Variants in PNPLA7 observed in about 807,000 individuals in gnomAD.
PNPLA7 encodes patatin like domain 7, lysophospholipase.
PNPLA7 carries 153 observed loss-of-function variants against 161.7 expected under a neutral mutation model. The observed-to-expected ratio is 0.95, with a 90% confidence interval of 0.83 to 1.08. The LOEUF is 1.08. Among genes scored for constraint, PNPLA7 ranks in the 50% least tolerant of loss-of-function variants. PNPLA7 has a pLI of 0.00. For missense variants in PNPLA7, 1,739 were observed against 1,856.6 expected (o/e 0.94, Z 1.16); for synonymous variants, 809 against 782.1 (o/e 1.03, Z -0.57).
intron 12 of PNPLA7, among the ~76,000 whole-genome samples, chr9:137,513,681 G>A (rs1386690244): frequency 6.6e-6 from 1 of 152,004 alleles, no homozygotes; most frequent in Admixed American, 6.5e-5. Context: ...TGGACAAGAG[G>A]GAAGAGAATC....
At chr9:137,548,218 G>T (rs1836647327) in intron 1 of PNPLA7, among the ~76,000 whole-genome samples, 1 of 152,200 alleles carries the variant, frequency 6.6e-6, no homozygotes. Context: ...GACAGCAGAG[G>T]ACGCTGGTGG....
In PNPLA7 at chr9:137,547,410, G is replaced by A; in HGVS notation, c.106-14C>T. 6.2e-7 allele frequency: 1 copy of A among 1,613,012 alleles called. No homozygotes were observed. The highest frequency in any genetic ancestry group is 8.5e-7 in the Non-Finnish European group (1 of 1,179,738). On this transcript the variant is annotated splice_polypyrimidine_tract_variant and intron_variant, in intron 2 of 34. Coordinates refer to ENST00000406427, the MANE Select transcript of PNPLA7 (RefSeq NM_001098537.3). This position sits in a 1 kb window ranked among gnomAD's most constrained non-coding sequence, Gnocchi z 4.6. ...AATCCCCGTCAGCTGGCCGAGAGTG[G>A]AAACACGGCGCCCATCAGCAAAGCC...
At chr9:137,526,213 A>C (rs1835294163) in intron 8 of PNPLA7, among the ~76,000 whole-genome samples, 1 of 152,216 alleles carries the variant, frequency 6.6e-6, no homozygotes, top group Admixed American at 6.5e-5. Flanking sequence ...GCATAGCTCA[A>C]GGACACGGGA....
Position 137,462,817 on chromosome 9 carries a change from G to A in PNPLA7, c.3360C>T (p.Ser1120=). 2 of 1,613,752 alleles carry A rather than the reference G, an allele frequency of 1.2e-6. No individual in the cohort carries two copies. Among genetic ancestry groups the A allele is most frequent in the Non-Finnish European group, 1.7e-6 (2 of 1,179,942 alleles). The stretch of plus-strand genomic sequence containing the variant: ...TGGCGATCACCACTTTTGCCCCCAT[G>A]GACCGGGCCACATCCGCTAGGGAGA... ...INNLPADVAR[S]MGAKVVIAID... Residue 1120 remains serine, a synonymous_variant, in exon 30 of 35, where the codon TCC becomes TCT. Coordinates refer to ENST00000406427, the MANE Select transcript of PNPLA7 (RefSeq NM_001098537.3).
Position 137,543,306 on chromosome 9 carries a change from C to T in PNPLA7, c.506+126G>A. On this transcript the variant is annotated intron_variant, in intron 6 of 34. Coordinates refer to ENST00000406427, the MANE Select transcript of PNPLA7 (RefSeq NM_001098537.3). The surrounding 1 kb of genome is among the most constrained non-coding windows in gnomAD (Gnocchi z 6.9). The stretch of plus-strand genomic sequence containing the variant: ...CCCCGCCACGGGGCACAGACACCAG[C>T]AGCCCCACGATGCGCTTTGCCAACC... 1.6e-6 allele frequency: 2 copies of T among 1,214,248 alleles called. No individual in the cohort carries two copies. Among genetic ancestry groups the T allele is most frequent in the Non-Finnish European group, 2.4e-6 (2 of 848,160 alleles). The allele number at this position is 1,214,248 out of a possible 1,614,324, so 75.2% of individuals were successfully genotyped here.
Position 137,550,266 on chromosome 9 carries a change from A to C in PNPLA7, c.-69T>G, listed in dbSNP as rs1165028197. The C allele has an allele frequency of 6.4e-7, 1 of 1,552,042 alleles. No individual in the cohort carries two copies. Among genetic ancestry groups the C allele is most frequent in the African/African-American group, 1.4e-5 (1 of 73,568 alleles). ...CTGAAGCAAACAAGGGCACACCTCT[A>C]CCCGCTCATGCTCACACCTGGACAC... On this transcript the variant is annotated 5_prime_UTR_variant, in exon 1 of 35. The change abolishes the stop of an existing upstream ORF in the 5' untranslated region. Transcript: ENST00000406427.
chr9:137,547,348 C>G lies in PNPLA7; in HGVS notation c.154G>C (p.Val52Leu). 1 of 1,613,606 alleles carries G rather than the reference C, an allele frequency of 6.2e-7. No homozygotes were observed. Among genetic ancestry groups the G allele is most frequent in the Non-Finnish European group, 8.5e-7 (1 of 1,180,000 alleles). Residue 52 changes from valine (V) to leucine (L), a missense_variant, in exon 3 of 35, where the codon GTC becomes CTC. Physicochemically the swap from Val to Leu is conservative, Grantham distance 32. Transcript: ENST00000406427. The surrounding 1 kb of genome is among the most constrained non-coding windows in gnomAD (Gnocchi z 4.6). ...CTTCTGAACATGAAAAGGATGAGGA[C>G]ACCAACCAAGGCCAGGGCCAGGAGG... ...GALLALALVG[V>L]LILFMFRRLR...
chr9:137,515,588 G>A, intron 11 of PNPLA7, 69 bp from the exon 12 acceptor site: 1 of 1,451,350 alleles, frequency 6.9e-7, no homozygotes, highest in Admixed American at 2.7e-5. Context: ...AGCCCATTCG[G>A]GGCCACGCAG....
chr9:137,545,694 C>T lies in PNPLA7; in HGVS notation c.273+1136G>A, dbSNP rs550918410. 1.0e-3 allele frequency among the ~76,000 whole-genome samples: 155 copies of T among 152,234 alleles called. 1 individual carries two copies. The highest frequency in any genetic ancestry group is 1.4e-3 in the East Asian group (7 of 5,180). ...ATTATAATAATCCTCACTCTATAAT[C>T]ATAGCCTAGGAAAAACCAGGCCATA... On this transcript the variant is annotated intron_variant, in intron 4 of 34. Transcript: ENST00000406427.
intron 9 of PNPLA7, among the ~76,000 whole-genome samples, chr9:137,522,472 G>A (rs1044407211): frequency 6.6e-6 from 1 of 152,248 alleles, no homozygotes; most frequent in Non-Finnish European, 1.5e-5. Flanking sequence ...TTACAGGCGT[G>A]AGCCGCCGCG....
intron 11 of PNPLA7, among the ~76,000 whole-genome samples, chr9:137,519,267 G>A (rs1322224679): frequency 5.9e-5 from 9 of 152,220 alleles, no homozygotes; most frequent in African/African-American, 1.4e-4. Flanking sequence ...ACAGATCGTC[G>A]TGGGGTGACT....
intron 14 of PNPLA7, among the ~76,000 whole-genome samples, chr9:137,505,187 C>CAA (rs1030910942): frequency 0.038 from 2,120 of 56,482 alleles, 340 homozygotes; most frequent in African/African-American, 0.046. Context: ...GACTCTGTCT[C>CAA]AAAAAAAAAA....
chr9:137,461,628 TG>T lies in PNPLA7; in HGVS notation c.3757-9del. On this transcript the variant is annotated splice_polypyrimidine_tract_variant and intron_variant, in intron 32 of 34. Transcript: ENST00000406427. Reference sequence around the variant, plus strand: ...GTTGGGACAGGTGAGGACCTAGGGGTGGGGTGAGGACAGCACGTTGCCTGTG... The same window carrying T: ...GTTGGGACAGGTGAGGACCTAGGGGTGGGTGAGGACAGCACGTTGCCTGTG... 3 of 1,606,960 alleles carry T rather than the reference TG, an allele frequency of 1.9e-6. No individual in the cohort carries two copies. Among genetic ancestry groups the T allele is most frequent in the Non-Finnish European group, 2.6e-6 (3 of 1,176,280 alleles).
intron 33 of PNPLA7, 79 bp from the exon 34 acceptor site, chr9:137,460,816 A>G: frequency 7.4e-7 from 1 of 1,356,460 alleles, no homozygotes. Flanking sequence ...CAGAGGCAGA[A>G]CCGGCCACAG....
chr9:137,507,969 C>G (rs1008951292), intron 12 of PNPLA7, among the ~76,000 whole-genome samples: 1 of 151,996 alleles, frequency 6.6e-6, no homozygotes, highest in African/African-American at 2.4e-5. Flanking sequence ...AAGGTGGAGG[C>G]AGCGCTTGAG....
At chr9:137,478,232 G>T (rs766064011) in intron 24 of PNPLA7, 80 bp from the exon 25 acceptor site, 36 of 1,095,562 alleles carry the variant, frequency 3.3e-5, no homozygotes, top group Admixed American at 4.3e-5. Flanking sequence ...TGACTGGGGG[G>T]AGTTTCCTCC....
At chr9:137,515,604 A>C in intron 11 of PNPLA7, 85 bp from the exon 12 acceptor site, 3 of 1,432,212 alleles carry the variant, frequency 2.1e-6, no homozygotes, top group Non-Finnish European at 9.2e-7. Context: ...CGCAGGGAGC[A>C]GGGTCCCCAC....
rs1321918639 is a variant in PNPLA7, at chr9:137,520,822, C to T, written c.958-779G>A. ...AATGCGCTGTACCCTCCAAACGCGT[C>T]ACAGTTCAGGGTCAGCTCCGCCCCA... On this transcript the variant is annotated intron_variant, in intron 10 of 34. Coordinates refer to ENST00000406427, the MANE Select transcript of PNPLA7 (RefSeq NM_001098537.3). The surrounding 1 kb of genome is among the most constrained non-coding windows in gnomAD (Gnocchi z 5.2). Among the ~76,000 whole-genome samples, 1 of 152,232 alleles carries T rather than the reference C, an allele frequency of 6.6e-6. No homozygotes were observed. The highest frequency in any genetic ancestry group is 1.5e-5 in the Non-Finnish European group (1 of 68,028).
chr9:137,488,191 G>A (rs763346276), intron 20 of PNPLA7, among the ~76,000 whole-genome samples: 6 of 152,106 alleles, frequency 3.9e-5, no homozygotes, highest in East Asian at 1.9e-4. Context: ...GTCTCGTCCC[G>A]AGCTTCGGCC....
Sources: allele counts gnomAD v4.1 joint callset (sites outside exome capture counted in the v4.1 genomes callset), GRCh38; gene constraint gnomAD v4.1.1; non-coding constraint Gnocchi (gnomAD v3.1); transcripts MANE v1.5; gene names NCBI Gene and HGNC (gene_info 2026-07-23, HGNC 2026-07-21).